Variants in ADORA1 observed in about 807,000 individuals in gnomAD.
ADORA1 encodes the protein adenosine A1 receptor, also known as adenosine receptor A1.
Under a neutral mutation model 19.9 loss-of-function variants are expected in ADORA1, and 6 were observed. That is an observed-to-expected ratio of 0.30 (90% CI 0.17 to 0.59). ADORA1 has a LOEUF of 0.59. Among genes scored for constraint, ADORA1 ranks in the 20% least tolerant of loss-of-function variants. The pLI is 0.87. For synonymous variants in ADORA1, 194 were observed against 188.4 expected (o/e 1.03, Z -0.24); for missense variants, 302 against 439.2 (o/e 0.69, Z 2.79).
intron 3 of ADORA1, among the ~76,000 whole-genome samples, chr1:203,142,931 C>G (rs1403144207): frequency 6.6e-6 from 1 of 152,156 alleles, no homozygotes; most frequent in Non-Finnish European, 1.5e-5. Flanking sequence ...CCGCAATGCC[C>G]TGTTCTCTGT....
chr1:203,128,288 G>T lies in ADORA1; in HGVS notation c.-202G>T. On this transcript the variant is annotated 5_prime_UTR_variant, in exon 2 of 4. Transcript: ENST00000337894. This position sits in a 1 kb window ranked among gnomAD's most constrained non-coding sequence, Gnocchi z 5.9. ...GTGATTGCTTGAAAGGCCGGGCTGG[G>T]AGCGCTGCGGCGGGAGCCGGAGGAC... The T allele has an allele frequency of 3.9e-6, 5 of 1,273,840 alleles. No individual in the cohort carries two copies. The highest frequency in any genetic ancestry group is 5.1e-6 in the Non-Finnish European group (5 of 977,082). 78.9% of individuals were successfully genotyped at this position (1,273,840 alleles called of 1,614,324 possible).
intron 3 of ADORA1, chr1:203,150,873 G>A (rs2102754712): frequency 8.4e-7 from 1 of 1,197,600 alleles, no homozygotes; most frequent in Non-Finnish European, 1.1e-6. Flanking sequence ...AGCTTTAGGG[G>A]GCCCTGACAG....
At chr1:203,154,337 T>G (rs1356491886) in intron 3 of ADORA1, among the ~76,000 whole-genome samples, 1 of 152,184 alleles carries the variant, frequency 6.6e-6, no homozygotes. Flanking sequence ...TGATGCAGCT[T>G]TACTCTTGAA....
chr1:203,146,791 G>A (rs917651297), intron 3 of ADORA1, among the ~76,000 whole-genome samples: 4 of 152,212 alleles, frequency 2.6e-5, no homozygotes, highest in East Asian at 1.9e-4. Flanking sequence ...CGGTCCTGCC[G>A]GCTTTCTCTC....
At chr1:203,164,966 T>C (rs1655490144) in intron 3 of ADORA1, 3 of 1,435,410 alleles carry the variant, frequency 2.1e-6, no homozygotes, top group Non-Finnish European at 2.9e-6. Context: ...CAATTTTTAC[T>C]GTGGTCATTT....
chr1:203,133,427 A>G (rs1296361622), intron 3 of ADORA1, among the ~76,000 whole-genome samples: 5 of 152,188 alleles, frequency 3.3e-5, no homozygotes, highest in African/African-American at 1.2e-4. Flanking sequence ...TCTATAGACA[A>G]TTCTTTAGCT....
intron 3 of ADORA1, among the ~76,000 whole-genome samples, chr1:203,162,795 G>T (rs1321872354): frequency 1.3e-5 from 2 of 152,170 alleles, no homozygotes; most frequent in Non-Finnish European, 2.9e-5. Context: ...CAGTTATGAG[G>T]ATTACCTGAG....
rs533183918 is a variant in ADORA1 at position 203,129,970 on chromosome 1, C to T, written c.341+788C>T. Among the ~76,000 whole-genome samples, 49 of 152,358 alleles carry T rather than the reference C, an allele frequency of 3.2e-4. 1 individual carries two copies. Among genetic ancestry groups the T allele is most frequent in the African/African-American group, 1.2e-3 (49 of 41,586 alleles). ...GGTGTCCAGCCCATGTTGGAGCTCC[C>T]TGCCAGGCCACAATCTCATCACCAG... On this transcript the variant is annotated intron_variant, in intron 3 of 3. Coordinates refer to ENST00000337894, the MANE Select transcript of ADORA1 (RefSeq NM_000674.3).
At chr1:203,148,184 G>A (rs1446555594) in intron 3 of ADORA1, among the ~76,000 whole-genome samples, 1 of 152,170 alleles carries the variant, frequency 6.6e-6, no homozygotes, top group Admixed American at 6.5e-5. Flanking sequence ...CCGCACCACT[G>A]CACTCAAGCC....
intron 3 of ADORA1, among the ~76,000 whole-genome samples, chr1:203,146,912 G>GGACCATGTGGGACCTGAGAATCTTCTCCA (rs1177367983): frequency 6.6e-6 from 1 of 152,256 alleles, no homozygotes; most frequent in African/African-American, 2.4e-5. Context: ...TGAGAATGGT[G>GGACCATGTGGGACCTGAGAATCTTCTCCA]GAGATGGGCT....
intron 3 of ADORA1, among the ~76,000 whole-genome samples, chr1:203,139,467 G>A (rs904739939): frequency 2.0e-5 from 3 of 152,200 alleles, no homozygotes; most frequent in African/African-American, 7.2e-5. Context: ...TCTAGGAAGT[G>A]GGAGAGTGAC....
chr1:203,128,454 C>T lies in ADORA1; in HGVS notation c.-58+22C>T, dbSNP rs1175584353. 2.3e-6 allele frequency: 3 copies of T among 1,291,118 alleles called. No individual in the cohort carries two copies. Among genetic ancestry groups the T allele is most frequent in the Non-Finnish European group, 3.0e-6 (3 of 988,872 alleles). 80.0% of individuals were successfully genotyped at this position (1,291,118 alleles called of 1,614,324 possible). ...GATGGTGAGCTCCCTGCATCCTGTT[C>T]TGTGCACAGGGGTGGGCAGAGCCAG... On this transcript the variant is annotated intron_variant, in intron 2 of 3. Coordinates refer to ENST00000337894, the MANE Select transcript of ADORA1 (RefSeq NM_000674.3). The surrounding 1 kb of genome is among the most constrained non-coding windows in gnomAD (Gnocchi z 5.9).
At chr1:203,154,245 G>A (rs1655124812) in intron 3 of ADORA1, among the ~76,000 whole-genome samples, 3 of 152,208 alleles carry the variant, frequency 2.0e-5, no homozygotes, top group Non-Finnish European at 4.4e-5. Flanking sequence ...TCTGAGTGAA[G>A]GCGTTTGTAA....
intron 3 of ADORA1, among the ~76,000 whole-genome samples, chr1:203,145,336 C>A (rs1654825770): frequency 6.6e-6 from 1 of 152,230 alleles, no homozygotes; most frequent in South Asian, 2.1e-4. Context: ...AAACAGGATG[C>A]CTGAACTCTG....
At chr1:203,157,395 A>C (rs1264236181) in intron 3 of ADORA1, among the ~76,000 whole-genome samples, 2 of 152,270 alleles carry the variant, frequency 1.3e-5, no homozygotes, top group Non-Finnish European at 2.9e-5. Context: ...ATTCTAGAAT[A>C]GCCTTTTACT....
At chr1:203,163,379 G>A (rs960887804) in intron 3 of ADORA1, among the ~76,000 whole-genome samples, 2 of 152,204 alleles carry the variant, frequency 1.3e-5, no homozygotes, top group Non-Finnish European at 2.9e-5. Flanking sequence ...CACTCCCAGT[G>A]TCTGCACCAG....
At chr1:203,157,005 C>T (rs1655217476) in intron 3 of ADORA1, among the ~76,000 whole-genome samples, 1 of 152,268 alleles carries the variant, frequency 6.6e-6, no homozygotes, top group African/African-American at 2.4e-5. Flanking sequence ...AATATATGAG[C>T]TTTGAGGGAC....
rs1279473094 is a variant in ADORA1 at position 203,128,886 on chromosome 1, C to T, written c.45C>T (p.Ile15=). 1 of 1,611,828 alleles carries T rather than the reference C, an allele frequency of 6.2e-7. No individual in the cohort carries two copies. The highest frequency in any genetic ancestry group is 1.7e-5 in the Admixed American group (1 of 59,976). ...ISAFQAAYIG[I]EVLIALVSVP... ...CTTTCCAGGCCGCCTACATCGGCAT[C>T]GAGGTGCTCATCGCCCTGGTCTCTG... Residue 15 remains isoleucine (I), a synonymous_variant, in exon 3 of 4, where the codon ATC becomes ATT. Transcript: ENST00000337894. This position sits in a 1 kb window ranked among gnomAD's most constrained non-coding sequence, Gnocchi z 5.9.
chr1:203,133,873 A>G (rs777240217), intron 3 of ADORA1, among the ~76,000 whole-genome samples: 17 of 152,310 alleles, frequency 1.1e-4, no homozygotes, highest in African/African-American at 2.2e-4. Flanking sequence ...TTAGGCATCA[A>G]TTTAGCTGTC....
Sources: gnomAD v4.1 joint callset for allele counts (sites outside exome capture counted in the v4.1 genomes callset) on GRCh38, gnomAD v4.1.1 for gene constraint, Gnocchi (gnomAD v3.1) non-coding constraint, MANE v1.5 for transcripts, NCBI Gene and HGNC (gene_info 2026-07-23, HGNC 2026-07-21) for gene names.